The following SH3BP4 variants were observed in gnomAD, a reference collection of about 807,000 sequenced individuals.
SH3BP4 encodes SH3 domain binding protein 4, also known as SH3 domain-binding protein 4.
In SH3BP4, 33 loss-of-function variants were observed where a neutral mutation model predicts 65.5. That is an observed-to-expected ratio of 0.50 (90% confidence interval 0.38 to 0.67). SH3BP4 has a LOEUF of 0.67. Among genes scored for constraint, SH3BP4 ranks in the 30% least tolerant of loss-of-function variants. SH3BP4 has a pLI of 0.00. For synonymous variants in SH3BP4, 552 were observed against 545.5 expected, an observed-to-expected ratio of 1.01 and a Z score of -0.17; for missense variants, 1,134 against 1,261.4, an observed-to-expected ratio of 0.90 and a Z score of 1.53.
chr2:235,041,798 G>C lies in SH3BP4; in HGVS notation c.1029G>C (p.Glu343Asp), dbSNP rs1188151085. The stretch of plus-strand genomic sequence containing the variant: ...CCAGCATCAGCATCCACGTGCCCGA[G>C]GGCCACGTCGCCCCTGGGGAGACCC... The part of the protein sequence containing the change: ...PDTSISIHVP[E>D]GHVAPGETQQ... Residue 343 changes from glutamate (E) to aspartate (D), a missense_variant, in exon 4 of 6, where the codon GAG (glutamate) becomes GAC (aspartate). Coordinates refer to ENST00000392011, the MANE Select transcript of SH3BP4 (RefSeq NM_014521.3). The surrounding 1 kb of genome is among the most constrained non-coding windows in gnomAD (Gnocchi z 6.0). The C allele has an allele frequency of 6.3e-7, 1 of 1,594,906 alleles. No homozygotes were observed. Among genetic ancestry groups the C allele is most frequent in the Non-Finnish European group, 8.6e-7 (1 of 1,168,998 alleles).
intron 1 of SH3BP4, among the ~76,000 whole-genome samples, chr2:234,983,940 A>AT (rs1316780953): frequency 6.6e-6 from 1 of 152,208 alleles, no homozygotes; most frequent in Non-Finnish European, 1.5e-5. Context: ...TGGAGAGTCA[A>AT]TGTGTGTTTT....
chr2:234,982,426 C>T (rs934843077), intron 1 of SH3BP4, among the ~76,000 whole-genome samples: 2 of 152,092 alleles, frequency 1.3e-5, no homozygotes, highest in African/African-American at 4.8e-5. Flanking sequence ...GTGTGCAGCT[C>T]GTAAATGGAA....
At position 234,978,475 on chromosome 2, in the gene SH3BP4, T is replaced by A. The variant is rs1040484425; in HGVS notation, c.-206-16828T>A. On this transcript the variant is annotated intron_variant, in intron 1 of 5. Transcript: ENST00000392011. The surrounding 1 kb of genome is among the most constrained non-coding windows in gnomAD (Gnocchi z 4.1). ...CACTGCCCCAAGGCCCCACTGGTCA[T>A]CCGTCCAGCACTCTGTGCTCGCTGA... 1.3e-5 allele frequency among the ~76,000 whole-genome samples: 2 copies of A among 152,214 alleles called. No homozygotes were observed. Among genetic ancestry groups the A allele is most frequent in the African/African-American group, 4.8e-5 (2 of 41,458 alleles).
intron 4 of SH3BP4, among the ~76,000 whole-genome samples, chr2:235,049,998 C>T (rs1311441339): frequency 1.3e-5 from 2 of 152,174 alleles, no homozygotes; most frequent in African/African-American, 4.8e-5. Context: ...GTGAAACCCA[C>T]TTCCCCTCTC....
chr2:235,035,453 C>T lies in SH3BP4; in HGVS notation c.118+333C>T, dbSNP rs1368775781. ...CAAGTAGATGAAATATTGAGAACCA[C>T]TAGAGAAGAAAAAAGGTAGCTTCGG... On this transcript the variant is annotated intron_variant, in intron 3 of 5. Transcript: ENST00000392011. The surrounding 1 kb of genome is among the most constrained non-coding windows in gnomAD (Gnocchi z 5.0). 2.6e-5 allele frequency among the ~76,000 whole-genome samples: 4 copies of T among 152,154 alleles called. No homozygotes were observed. The highest frequency in any genetic ancestry group is 4.4e-5 in the Non-Finnish European group (3 of 68,044).
At chr2:234,954,415 G>A (rs951147259) in intron 1 of SH3BP4, among the ~76,000 whole-genome samples, 24 of 152,150 alleles carry the variant, frequency 1.6e-4, no homozygotes, top group African/African-American at 5.8e-4. Flanking sequence ...CCACCAGCAC[G>A]TGGATCTGAT....
chr2:234,960,651 G>A (rs974925019), intron 1 of SH3BP4, among the ~76,000 whole-genome samples: 1 of 152,198 alleles, frequency 6.6e-6, no homozygotes, highest in Non-Finnish European at 1.5e-5. Context: ...TTGGGGCCAC[G>A]TGCGCACACA....
intron 1 of SH3BP4, among the ~76,000 whole-genome samples, chr2:234,988,566 G>A (rs897845513): frequency 2.6e-5 from 4 of 152,178 alleles, no homozygotes; most frequent in African/African-American, 7.2e-5. Context: ...GGCCACACAG[G>A]TGTAGTGGGC....
At chr2:235,015,339 C>T (rs992673158) in intron 2 of SH3BP4, among the ~76,000 whole-genome samples, 22 of 152,128 alleles carry the variant, frequency 1.4e-4, no homozygotes, top group African/African-American at 4.8e-4. Flanking sequence ...AGCTGGGTCA[C>T]GATGAACCTC....
chr2:234,958,012 G>A (rs370718495), intron 1 of SH3BP4, among the ~76,000 whole-genome samples: 61 of 152,224 alleles, frequency 4.0e-4, no homozygotes, highest in African/African-American at 1.3e-3. Flanking sequence ...TTTGGCTTTG[G>A]TTGCTTCTGC....
chr2:234,995,135 G>C (rs557052565), intron 1 of SH3BP4, among the ~76,000 whole-genome samples, 168 bp from the exon 2 acceptor site: 1 of 152,360 alleles, frequency 6.6e-6, no homozygotes, highest in East Asian at 1.9e-4. Context: ...CTTCAGAAGG[G>C]GACCTGGGGG....
rs1695320763 is a variant in SH3BP4, at chr2:235,034,827, T to C, written c.-132-44T>C. 3.4e-6 allele frequency: 2 copies of C among 592,534 alleles called. No homozygotes were observed. Among genetic ancestry groups the C allele is most frequent in the Non-Finnish European group, 3.0e-6 (1 of 333,342 alleles). The allele number at this position is 592,534 out of a possible 1,614,324, so 36.7% of individuals were successfully genotyped here. On this transcript the variant is annotated intron_variant, in intron 2 of 5. Transcript: ENST00000392011. The surrounding 1 kb of genome is among the most constrained non-coding windows in gnomAD (Gnocchi z 6.2). ...CCATAAAATTACCATTGAACCCATG[T>C]TTCGCTTGCTTAAGGGACTTTTTTG...
chr2:234,989,962 T>A (rs1387349501), intron 1 of SH3BP4, among the ~76,000 whole-genome samples: 5 of 152,136 alleles, frequency 3.3e-5, no homozygotes, highest in Non-Finnish European at 7.3e-5. Context: ...ATGCCACAAG[T>A]GGAAAATTTC....
At chr2:235,043,308 TC>T in intron 4 of SH3BP4, 61 bp downstream of exon 4, 2 of 1,389,918 alleles carry the variant, frequency 1.4e-6, no homozygotes, top group Non-Finnish European at 2.0e-6. Flanking sequence ...CTTTCCGCCT[TC>T]CCAGTGCACA....
intron 2 of SH3BP4, among the ~76,000 whole-genome samples, chr2:235,029,275 C>T (rs536975797): frequency 7.2e-4 from 110 of 152,108 alleles, no homozygotes; most frequent in African/African-American, 2.6e-3. Context: ...ATGGAGCTGC[C>T]GTGCATGGCT....
At chr2:235,004,186 T>G (rs1231682296) in intron 2 of SH3BP4, among the ~76,000 whole-genome samples, 1 of 152,352 alleles carries the variant, frequency 6.6e-6, no homozygotes, top group East Asian at 1.9e-4. Context: ...AGTGTCACAG[T>G]TATTTTTAAT....
At chr2:235,027,108 C>T (rs1695025180) in intron 2 of SH3BP4, among the ~76,000 whole-genome samples, 1 of 152,246 alleles carries the variant, frequency 6.6e-6, no homozygotes, top group South Asian at 2.1e-4. Flanking sequence ...TGGGCTGGTC[C>T]TCGCCCTGAG....
intron 4 of SH3BP4, among the ~76,000 whole-genome samples, chr2:235,047,317 G>A (rs1574850435): frequency 6.6e-6 from 1 of 152,342 alleles, no homozygotes; most frequent in African/African-American, 2.4e-5. Flanking sequence ...TGGTGGCAGT[G>A]GCATGATTCA....
At position 234,974,874 on chromosome 2, in the gene SH3BP4, C is replaced by T. The variant is rs1693123899; in HGVS notation, c.-206-20429C>T. ...GGGGGTGCTGCAGGTCGCGTTTCAC[C>T]CTGGCACGCCCTGCCTGCCCCGTTA... On this transcript the variant is annotated intron_variant, in intron 1 of 5. Coordinates refer to ENST00000392011, the MANE Select transcript of SH3BP4 (RefSeq NM_014521.3). This position sits in a 1 kb window ranked among gnomAD's most constrained non-coding sequence, Gnocchi z 4.6. Among the ~76,000 whole-genome samples, 1 of 152,080 alleles carries T rather than the reference C, an allele frequency of 6.6e-6. No homozygotes were observed. The highest frequency in any genetic ancestry group is 1.5e-5 in the Non-Finnish European group (1 of 68,012).
Sources: gnomAD v4.1 joint callset for allele counts (sites outside exome capture counted in the v4.1 genomes callset) on GRCh38, gnomAD v4.1.1 for gene constraint, Gnocchi (gnomAD v3.1) non-coding constraint, MANE v1.5 for transcripts, NCBI Gene and HGNC (gene_info 2026-07-23, HGNC 2026-07-21) for gene names.